Variants in RASSF8 observed in about 807,000 individuals in gnomAD.
The protein encoded by RASSF8 is Ras association domain family member 8.
Under a neutral mutation model 48.5 loss-of-function variants are expected in RASSF8, and 22 were observed. The observed-to-expected ratio is 0.45, with a 90% CI of 0.32 to 0.65. The LOEUF (loss-of-function observed/expected upper bound fraction) is 0.65. Ranked by LOEUF, RASSF8 falls within the 30% of genes least tolerant of loss-of-function variation. The pLI is 0.03. For missense variants in RASSF8, 418 were observed against 489.2 expected, an observed-to-expected ratio of 0.85 and a Z score of 1.37; for synonymous variants, 127 against 171.5, an observed-to-expected ratio of 0.74 and a Z score of 2.03.
intron 1 of RASSF8, among the ~76,000 whole-genome samples, chr12:25,967,675 G>A (rs1941390268): frequency 6.6e-6 from 1 of 152,170 alleles, no homozygotes; most frequent in Non-Finnish European, 1.5e-5. Flanking sequence ...GTTTATGTAT[G>A]TCCACATACA....
At chr12:26,047,072 A>G (rs745510987) in intron 2 of RASSF8, among the ~76,000 whole-genome samples, 6 of 152,240 alleles carry the variant, frequency 3.9e-5, no homozygotes, top group South Asian at 2.1e-4. Context: ...TTAAACCATC[A>G]TAGAACTTGG....
intron 3 of RASSF8, among the ~76,000 whole-genome samples, chr12:26,061,313 GCT>G (rs1322172902): frequency 2.6e-5 from 4 of 152,058 alleles, no homozygotes; most frequent in Non-Finnish European, 4.4e-5. Flanking sequence ...GTGAAAGTAA[GCT>G]GTTATCCTGT....
intron 1 of RASSF8, among the ~76,000 whole-genome samples, chr12:25,980,401 A>G (rs915536157): frequency 3.9e-5 from 6 of 152,222 alleles, no homozygotes; most frequent in African/African-American, 9.6e-5. Flanking sequence ...AGTAACTGCT[A>G]TGTTTTCTGC....
intron 3 of RASSF8, among the ~76,000 whole-genome samples, chr12:26,063,771 A>C (rs1418691849): frequency 6.7e-6 from 1 of 150,154 alleles, no homozygotes; most frequent in African/African-American, 2.5e-5. Flanking sequence ...CTCTGATACT[A>C]TCATATTACC....
chr12:26,029,179 A>G (rs549623877), intron 2 of RASSF8, among the ~76,000 whole-genome samples: 7 of 152,238 alleles, frequency 4.6e-5, no homozygotes, highest in African/African-American at 1.7e-4. Flanking sequence ...CATGTCTATC[A>G]TGTAGATCAC....
At chr12:26,066,046 GA>G (rs1371434948) in intron 4 of RASSF8, among the ~76,000 whole-genome samples, 3 of 152,152 alleles carry the variant, frequency 2.0e-5, no homozygotes, top group African/African-American at 7.2e-5. Flanking sequence ...GGACGAGAAA[GA>G]GACACAATTG....
rs1337398951 is a variant in RASSF8 at position 26,069,981 on chromosome 12, A to G, written c.*1163A>G. The G allele has an allele frequency of 1.7e-5, 17 of 973,942 alleles. No individual in the cohort carries two copies. The highest frequency in any genetic ancestry group is 2.1e-5 in the Non-Finnish European group (17 of 819,630). The allele number at this position is 973,942 out of a possible 1,614,324, so 60.3% of individuals were successfully genotyped here. Reference sequence around the variant, plus strand: ...ATTAATCTCCATTTGTACATATGTTATTTTATTTGTAAAACCAAATATGAC... The same window carrying G: ...ATTAATCTCCATTTGTACATATGTTGTTTTATTTGTAAAACCAAATATGAC... On this transcript the variant is annotated 3_prime_UTR_variant, in exon 6 of 6. Transcript: ENST00000689635.
chr12:25,963,547 A>T (rs1941288142), intron 1 of RASSF8, among the ~76,000 whole-genome samples: 1 of 152,130 alleles, frequency 6.6e-6, no homozygotes, highest in African/African-American at 2.4e-5. Context: ...CTTAAAAATC[A>T]TTTCCTCACA....
At position 26,064,572 on chromosome 12, in the gene RASSF8, A is replaced by G. The variant is rs34322524; in HGVS notation, c.178A>G (p.Ile60Val). Reference sequence around the variant, plus strand: ...ACACTTAGCACCTCATGAAAATCCTATCATATCCTTAAACAAATGGGGGCA... The same window carrying G: ...ACACTTAGCACCTCATGAAAATCCTGTCATATCCTTAAACAAATGGGGGCA... ...ERHLAPHENPIISLNKWGQYA... is the reference protein window; with the variant it reads ...ERHLAPHENPVISLNKWGQYA... The change falls in exon 4 of 6, where the codon ATC becomes GTC. Residue 60 changes from isoleucine (I) to valine (V), a missense_variant. By Grantham distance (29) the Ile-to-Val change is conservative (BLOSUM62 3). Transcript: ENST00000689635. 8 of 1,613,934 alleles carry G rather than the reference A, an allele frequency of 5.0e-6. No individual in the cohort carries two copies. The East Asian group carries it at 1.6e-4, about 31-fold the overall frequency.
intron 1 of RASSF8, among the ~76,000 whole-genome samples, chr12:25,979,719 A>G (rs949700013): frequency 4.6e-5 from 7 of 152,178 alleles, no homozygotes; most frequent in Admixed American, 6.5e-5. Flanking sequence ...CTCCACCATT[A>G]TTGGTTTTAA....
chr12:26,058,931 A>G (rs952566970), intron 3 of RASSF8, among the ~76,000 whole-genome samples: 3 of 152,196 alleles, frequency 2.0e-5, no homozygotes, highest in Non-Finnish European at 4.4e-5. Context: ...AAGTGGTTCA[A>G]CTGTCCTGCA....
intron 2 of RASSF8, among the ~76,000 whole-genome samples, chr12:26,025,177 C>G (rs556165200): frequency 3.9e-5 from 6 of 152,230 alleles, no homozygotes; most frequent in Non-Finnish European, 7.4e-5. Context: ...TCCTGAAGAT[C>G]AGAAAGAAGG....
rs538556284 is a variant in RASSF8, at chr12:26,030,651, T to G, written c.-108-24585T>G. On this transcript the variant is annotated intron_variant, in intron 2 of 5. Transcript: ENST00000689635. ...AGTCAAGTGAATAATATTTAACTTCTTTCTTTTCAAACCAAATAGACATCC... is the reference window on the plus strand; with the variant it reads ...AGTCAAGTGAATAATATTTAACTTCGTTCTTTTCAAACCAAATAGACATCC... Among the ~76,000 whole-genome samples, 97 of 149,470 alleles carry G rather than the reference T, an allele frequency of 6.5e-4. 1 individual carries two copies. Among genetic ancestry groups the G allele is most frequent in the African/African-American group, 2.3e-3 (89 of 38,904 alleles).
At chr12:25,979,520 A>G (rs987100891) in intron 1 of RASSF8, among the ~76,000 whole-genome samples, 1 of 152,178 alleles carries the variant, frequency 6.6e-6, no homozygotes, top group African/African-American at 2.4e-5. Context: ...TATAATCTAT[A>G]TTTGAGTGTG....
At chr12:25,983,833 C>A (rs1243966446) in intron 1 of RASSF8, among the ~76,000 whole-genome samples, 1 of 152,140 alleles carries the variant, frequency 6.6e-6, no homozygotes, top group Admixed American at 6.5e-5. Flanking sequence ...AGACACCATG[C>A]AGTCAGTGTG....
Position 25,974,351 on chromosome 12 carries a change from CCT to C in RASSF8, c.-203+15206_-203+15207del, listed in dbSNP as rs546048748. Among the ~76,000 whole-genome samples, 304 of 152,090 alleles carry C rather than the reference CCT, an allele frequency of 2.0e-3. 1 individual carries two copies. The highest frequency in any genetic ancestry group is 6.8e-3 in the African/African-American group (281 of 41,478). On this transcript the variant is annotated intron_variant, in intron 1 of 5. Coordinates refer to ENST00000689635, the MANE Select transcript of RASSF8 (RefSeq NM_001394098.1). ...GAATGGAGATTCTGTTTAAAGGAAA[CCT>C]CTGATTTTAAATGTGAGCAATGTGG...
At chr12:26,047,871 G>T (rs941582555) in intron 2 of RASSF8, among the ~76,000 whole-genome samples, 1 of 152,314 alleles carries the variant, frequency 6.6e-6, no homozygotes, top group Admixed American at 6.5e-5. Context: ...TACACAGCAC[G>T]CCTGGAGGCC....
intron 2 of RASSF8, among the ~76,000 whole-genome samples, chr12:26,045,597 T>C (rs1943355625): frequency 6.6e-6 from 1 of 152,242 alleles, no homozygotes; most frequent in African/African-American, 2.4e-5. Context: ...GTCCTCACAA[T>C]GGACAATGTT....
intron 2 of RASSF8, among the ~76,000 whole-genome samples, chr12:26,034,272 C>T (rs1160321422): frequency 1.3e-5 from 2 of 151,996 alleles, no homozygotes; most frequent in Non-Finnish European, 2.9e-5. Flanking sequence ...GTCCCTAAGT[C>T]CACAGGGGCA....
Sources: allele counts gnomAD v4.1 joint callset (sites outside exome capture counted in the v4.1 genomes callset), GRCh38; gene constraint gnomAD v4.1.1; transcripts MANE v1.5; gene names NCBI Gene and HGNC (gene_info 2026-07-23, HGNC 2026-07-21).